The following HOXD3 variants were observed in gnomAD, a reference collection of about 807,000 sequenced individuals.
HOXD3 encodes the protein homeobox protein Hox-D3.
In HOXD3, 13 loss-of-function variants were observed where a neutral mutation model predicts 32.8. The observed-to-expected ratio is 0.40, with a 90% CI of 0.26 to 0.63. The LOEUF (loss-of-function observed/expected upper bound fraction) is 0.63. Ranked by LOEUF, HOXD3 falls within the 20% of genes least tolerant of loss-of-function variation. The pLI is 0.44. For missense variants in HOXD3, 504 were observed against 577.1 expected (o/e 0.87, Z 1.30); for synonymous variants, 241 against 246.8 (o/e 0.98, Z 0.22).
At chr2:176,156,190 T>TG (rs1262889647), upstream of HOXD3, among the ~76,000 whole-genome samples, 1 of 152,200 alleles carries the variant, frequency 6.6e-6, no homozygotes. Flanking sequence ...CACCATTTTT[T>TG]GGGGGGTGCC....
rs1004895114 is a variant in HOXD3, at chr2:176,172,451, G to GGGC, written c.*179_*181dup. On this transcript the variant is annotated 3_prime_UTR_variant, in exon 4 of 4. Transcript: ENST00000683222. ...GCAGGCGACCGGGCCTCCCCTCCATGGGCGTCCTTTGGGTGACTCGCCATA... is the reference window on the plus strand; with the variant it reads ...GCAGGCGACCGGGCCTCCCCTCCATGGGCGGCGTCCTTTGGGTGACTCGCCATA... 3.4e-6 allele frequency: 2 copies of GGGC among 596,128 alleles called. No individual in the cohort carries two copies. The highest frequency in any genetic ancestry group is 3.9e-5 in the African/African-American group (2 of 51,498). 36.9% of individuals were successfully genotyped at this position (596,128 alleles called of 1,614,324 possible).
Position 176,172,164 on chromosome 2 carries a change from G to A in HOXD3, c.1189G>A (p.Gly397Ser). Reference sequence around the variant, plus strand: ...CTACAGTTGCGCCGCGCAGATTCCAGGCAACCACCACCATGGACCTTGCGA... The same window carrying A: ...CTACAGTTGCGCCGCGCAGATTCCAAGCAACCACCACCATGGACCTTGCGA... ...VDYSCAAQIP[G>S]NHHHGPCDPH... The change falls in exon 4 of 4, where the codon GGC becomes AGC. Residue 397 changes from glycine to serine, a missense_variant. By Grantham distance (56) the Gly-to-Ser change is moderately conservative (BLOSUM62 0). Around this residue, in one of 3 missense-constraint regions of HOXD3, gnomAD observed 226 missense variants for 246.9 expected, o/e 0.92. Transcript: ENST00000683222. 1.2e-6 allele frequency: 2 copies of A among 1,613,190 alleles called. No individual in the cohort carries two copies. The highest frequency in any genetic ancestry group is 1.7e-6 in the Non-Finnish European group (2 of 1,179,980).
In HOXD3 at chr2:176,171,831, C is replaced by T. The variant is rs1300182245; in HGVS notation, c.856C>T (p.Leu286=). ...AAGHVAYSGQ[L]PPVPGLAYDA... is the part of the protein sequence containing the mutation. Reference sequence around the variant, plus strand: ...TGGCCACGTGGCCTACTCCGGCCAGCTGCCGCCAGTGCCCGGCCTGGCCTA... The same window carrying T: ...TGGCCACGTGGCCTACTCCGGCCAGTTGCCGCCAGTGCCCGGCCTGGCCTA... The change falls in exon 4 of 4, where the codon CTG becomes TTG. Residue 286 remains leucine (L), a synonymous_variant. Transcript: ENST00000683222. 1.2e-6 allele frequency: 2 copies of T among 1,607,748 alleles called. No homozygotes were observed. The highest frequency in any genetic ancestry group is 1.7e-6 in the Non-Finnish European group (2 of 1,177,050).
chr2:176,166,647 G>T (rs1008060074), intron 2 of HOXD3, among the ~76,000 whole-genome samples: 1 of 152,132 alleles, frequency 6.6e-6, no homozygotes, highest in Admixed American at 6.5e-5. Flanking sequence ...GAAAAATTAA[G>T]TCCAGCTTTG....
rs1690670330 is a variant in HOXD3 at position 176,157,398 on chromosome 2, G to T, written c.-235G>T. On this transcript the variant is annotated 5_prime_UTR_variant, in exon 1 of 4. Coordinates refer to ENST00000683222, the MANE Select transcript of HOXD3 (RefSeq NM_006898.5). ...TATCACCCGTCCAGGGGGGCCGCGC[G>T]GTGCCCCCGGCCCTCCACCCCCGGC... Among the ~76,000 whole-genome samples, 1 of 152,140 alleles carries T rather than the reference G, an allele frequency of 6.6e-6. No homozygotes were observed. The highest frequency in any genetic ancestry group is 1.5e-5 in the Non-Finnish European group (1 of 68,016).
rs1038538348 is a variant in HOXD3, at chr2:176,171,833, G to A, written c.858G>A (p.Leu286=). The part of the protein sequence containing the change: ...AAGHVAYSGQ[L]PPVPGLAYDA... ...GCCACGTGGCCTACTCCGGCCAGCT[G>A]CCGCCAGTGCCCGGCCTGGCCTACG... Residue 286 remains leucine, a synonymous_variant, in exon 4 of 4, where the codon CTG becomes CTA. Transcript: ENST00000683222. 1.1e-5 allele frequency: 18 copies of A among 1,607,116 alleles called. No homozygotes were observed. The Admixed American group carries it at 1.9e-4, about 17-fold the overall frequency.
At position 176,172,417 on chromosome 2, in the gene HOXD3, G is replaced by A. The variant is rs1691228246; in HGVS notation, c.*143G>A. 2.5e-6 allele frequency: 2 copies of A among 809,180 alleles called. No individual in the cohort carries two copies. The highest frequency in any genetic ancestry group is 6.3e-5 in the Admixed American group (2 of 31,794). The allele number at this position is 809,180 out of a possible 1,614,324, so 50.1% of individuals were successfully genotyped here. On this transcript the variant is annotated 3_prime_UTR_variant, in exon 4 of 4. Coordinates refer to ENST00000683222, the MANE Select transcript of HOXD3 (RefSeq NM_006898.5). ...GCCTCCCGGGTCTCAGGCCTCCAGCGGCGGAGGCGCAGGCGACCGGGCCTC... is the reference window on the plus strand; with the variant it reads ...GCCTCCCGGGTCTCAGGCCTCCAGCAGCGGAGGCGCAGGCGACCGGGCCTC...
chr2:176,168,337 C>G lies in HOXD3; in HGVS notation c.-84-694C>G, dbSNP rs186166653. On this transcript the variant is annotated intron_variant, in intron 2 of 3. Transcript: ENST00000683222. ...ATCCCAGCACTTAGGGAGGCCCAGG[C>G]GGGTTGATCACCTGAGGTCAGGAGT... is the stretch of plus-strand genomic sequence containing the variant. Among the ~76,000 whole-genome samples the G allele has an allele frequency of 3.3e-5, 5 of 151,534 alleles. No individual in the cohort carries two copies. In the East Asian group the frequency reaches 9.7e-4, roughly 30 times the overall value.
At chr2:176,157,118 G>A (rs896096100), upstream of HOXD3, among the ~76,000 whole-genome samples, 1 of 152,154 alleles carries the variant, frequency 6.6e-6, no homozygotes, top group African/African-American at 2.4e-5. Flanking sequence ...CCGCCTGCCC[G>A]CCATGTTGGG....
At chr2:176,170,897 G>GTT (rs11437853) in intron 3 of HOXD3, among the ~76,000 whole-genome samples, 37,667 of 150,502 alleles carry the variant, frequency 0.25, 5,046 homozygotes, top group Non-Finnish European at 0.3. Flanking sequence ...CCCAGGCAGT[G>GTT]TTTTTTTTTG....
chr2:176,162,511 C>T (rs1690839793), intron 1 of HOXD3, among the ~76,000 whole-genome samples: 1 of 152,160 alleles, frequency 6.6e-6, no homozygotes. Flanking sequence ...TGGTCCAAAG[C>T]CAGCCCGGTT....
Position 176,171,506 on chromosome 2 carries a change from T to C in HOXD3, c.542-11T>C. The C allele has an allele frequency of 1.9e-6, 3 of 1,569,158 alleles. No individual in the cohort carries two copies. The South Asian group carries it at 3.7e-5, about 19-fold the overall frequency. ...TCGCTCAGCGCCCTCCCTCTCTCCC[T>C]CCCTGCCCAGGAGAGAGCTGCGAGG... On this transcript the variant is annotated splice_polypyrimidine_tract_variant and intron_variant, in intron 3 of 3. Transcript: ENST00000683222.
At chr2:176,166,563 C>T (rs1253317619) in intron 2 of HOXD3, among the ~76,000 whole-genome samples, 1 of 152,202 alleles carries the variant, frequency 6.6e-6, no homozygotes, top group East Asian at 1.9e-4. Flanking sequence ...GTATTAGTCA[C>T]AGAATGAAGA....
At position 176,170,849 on chromosome 2, in the gene HOXD3, C is replaced by G. The variant is rs979436133; in HGVS notation, c.542-668C>G. 4.6e-5 allele frequency among the ~76,000 whole-genome samples: 7 copies of G among 151,644 alleles called. 1 individual carries two copies. Among genetic ancestry groups the G allele is most frequent in the African/African-American group, 1.7e-4 (7 of 41,348 alleles). ...TGCTGCTCCTAGCACTGTGAATACTCAAAATGCTTCCAGCCTGGCCTTGGA... is the reference window on the plus strand; with the variant it reads ...TGCTGCTCCTAGCACTGTGAATACTGAAAATGCTTCCAGCCTGGCCTTGGA... On this transcript the variant is annotated intron_variant, in intron 3 of 3. Coordinates refer to ENST00000683222, the MANE Select transcript of HOXD3 (RefSeq NM_006898.5).
chr2:176,164,659 C>A (rs910630273), intron 2 of HOXD3: 29 of 151,198 alleles, frequency 1.9e-4, no homozygotes, highest in African/African-American at 7.2e-4. Context: ...GGGCTTCTGA[C>A]CCTGGTTTAG....
At position 176,169,304 on chromosome 2, in the gene HOXD3, C is replaced by T; in HGVS notation, c.190C>T (p.Pro64Ser). ...TGCCAGCTCCCTGGACACTGACTAT[C>T]CAGGTTCTGCCTGCTCCATCCAGAG... ...AAASSLDTDYPGSACSIQSSA... is the reference protein window; with the variant it reads ...AAASSLDTDYSGSACSIQSSA... The change falls in exon 3 of 4, where the codon CCA becomes TCA. Residue 64 changes from proline (P) to serine (S), a missense_variant. Coordinates refer to ENST00000683222, the MANE Select transcript of HOXD3 (RefSeq NM_006898.5). The T allele has an allele frequency of 1.2e-6, 2 of 1,614,128 alleles. No individual in the cohort carries two copies. The highest frequency in any genetic ancestry group is 1.7e-5 in the Admixed American group (1 of 60,022).
upstream of HOXD3, chr2:176,152,664 C>T (rs951118096): frequency 9.9e-6 from 16 of 1,614,052 alleles, no homozygotes; most frequent in Non-Finnish European, 1.2e-5. This position sits in a 1 kb window ranked among gnomAD's most constrained non-coding sequence, Gnocchi z 5.2. Flanking sequence ...CTACACCCGG[C>T]AGCAAGTCCT....
chr2:176,169,717 T>G (rs1405337763), intron 3 of HOXD3, 62 bp downstream of exon 3: 1 of 1,515,358 alleles, frequency 6.6e-7, no homozygotes, highest in Non-Finnish European at 8.8e-7. Context: ...CAAGGAAGCC[T>G]AGTCAGGGCT....
At chr2:176,162,683 G>T (rs994599676) in intron 1 of HOXD3, among the ~76,000 whole-genome samples, 11 of 152,190 alleles carry the variant, frequency 7.2e-5, no homozygotes, top group South Asian at 2.1e-4. Context: ...AGCCTCTTAC[G>T]CCAAGAGCTC....
Sources: gnomAD v4.1 joint callset for allele counts (sites outside exome capture counted in the v4.1 genomes callset) on GRCh38, gnomAD v4.1.1 for gene constraint, gnomAD v4.1.1 regional missense constraint, Gnocchi (gnomAD v3.1) non-coding constraint, MANE v1.5 for transcripts, NCBI Gene and HGNC (gene_info 2026-07-23, HGNC 2026-07-21) for gene names.